SLC25A10: variants seen among roughly 807,000 people sequenced by gnomAD.
The protein encoded by SLC25A10 is mitochondrial dicarboxylate carrier.
Under a neutral mutation model 40.4 loss-of-function variants are expected in SLC25A10, and 32 were observed. The observed-to-expected ratio is 0.79, with a 90% CI of 0.60 to 1.06. The LOEUF is 1.06. Among genes scored for constraint, SLC25A10 ranks in the 50% least tolerant of loss-of-function variants. The pLI, the probability that SLC25A10 is intolerant of heterozygous loss-of-function variation, is 0.00. For missense variants in SLC25A10, 394 were observed against 402.6 expected (o/e 0.98, Z 0.18); for synonymous variants, 181 against 171.1 (o/e 1.06, Z -0.45).
In SLC25A10 at chr17:81,712,532, C is replaced by A; in HGVS notation, c.93+13C>A. 1 of 1,236,906 alleles carries A rather than the reference C, an allele frequency of 8.1e-7. No homozygotes were observed. Among genetic ancestry groups the A allele is most frequent in the Non-Finnish European group, 1.0e-6 (1 of 988,154 alleles). The allele number at this position is 1,236,906 out of a possible 1,614,324, so 76.6% of individuals were successfully genotyped here. A position where few individuals can be genotyped will look rare whatever the true frequency, so the allele number is the denominator to read the frequency against. On this transcript the variant is annotated intron_variant, in intron 1 of 10. Transcript: ENST00000350690. ...GGACCTGCTCAAGGTGAGGCCGGGG[C>A]CCGGGACGCGGGGCGGATGGGACCC...
At position 81,720,353 on chromosome 17, in the gene SLC25A10, C is replaced by T. The variant is rs1207784468; in HGVS notation, c.*276C>T. ...TCCCGCTGGCAGCTCCTCAGGGGAA[C>T]AGGGGCTACCAGAGGCTGATTTCTC... On this transcript the variant is annotated 3_prime_UTR_variant, in exon 11 of 11. Coordinates refer to ENST00000350690, the MANE Select transcript of SLC25A10 (RefSeq NM_012140.5). The T allele has an allele frequency of 7.1e-7, 1 of 1,417,224 alleles. No individual in the cohort carries two copies. Among genetic ancestry groups the T allele is most frequent in the Non-Finnish European group, 9.2e-7 (1 of 1,091,800 alleles). The allele number at this position is 1,417,224 out of a possible 1,614,324, so 87.8% of individuals were successfully genotyped here.
rs892675196 is a variant in SLC25A10 at position 81,717,769 on chromosome 17, G to A, written c.628-15G>A. ...GCGTACCTGACAGGCCGCTGGTGAC[G>A]AGCCCCCTCCTCAGGGTGGATGTGC... On this transcript the variant is annotated splice_polypyrimidine_tract_variant and intron_variant, in intron 8 of 10. Transcript: ENST00000350690. 4 of 1,608,660 alleles carry A rather than the reference G, an allele frequency of 2.5e-6. No homozygotes were observed. The highest frequency in any genetic ancestry group is 2.2e-5 in the South Asian group (2 of 90,318).
Position 81,715,692 on chromosome 17 carries a change from G to C in SLC25A10, c.329-1G>C. The C allele has an allele frequency of 6.2e-7, 1 of 1,613,380 alleles. No individual in the cohort carries two copies. Among genetic ancestry groups the C allele is most frequent in the Non-Finnish European group, 8.5e-7 (1 of 1,179,936 alleles). On this transcript the variant is annotated splice_acceptor_variant, in intron 3 of 10. Coordinates refer to ENST00000350690, the MANE Select transcript of SLC25A10 (RefSeq NM_012140.5). LOFTEE classifies it high-confidence loss of function. Reference sequence around the variant, plus strand: ...CATCTCTGGGGTTTGTGTCACCGCAGGTTTAGCTGGAGGCTTCGTGGGGAC... The same window carrying C: ...CATCTCTGGGGTTTGTGTCACCGCACGTTTAGCTGGAGGCTTCGTGGGGAC...
intron 1 of SLC25A10, among the ~76,000 whole-genome samples, chr17:81,714,241 G>T (rs2037436889): frequency 6.6e-6 from 1 of 152,238 alleles, no homozygotes; most frequent in Non-Finnish European, 1.5e-5. Flanking sequence ...TGGGCCAGGT[G>T]CTGGCCTTCC....
chr17:81,717,616 C>G (rs1025953157), intron 8 of SLC25A10, 125 bp downstream of exon 8: 1 of 1,316,070 alleles, frequency 7.6e-7, no homozygotes, highest in African/African-American at 1.4e-5. Context: ...CCCTGGGGCT[C>G]ATAAGTGGGG....
At chr17:81,718,428 TGAGCC>T (rs1337172466) in intron 9 of SLC25A10, among the ~76,000 whole-genome samples, 3 of 150,392 alleles carry the variant, frequency 2.0e-5, no homozygotes, top group African/African-American at 4.9e-5. Context: ...GAGGTTGCAG[TGAGCC>T]GAGATCACAC....
chr17:81,717,548 G>A (rs956843214), intron 8 of SLC25A10, 57 bp downstream of exon 8: 19 of 1,587,148 alleles, frequency 1.2e-5, no homozygotes, highest in Non-Finnish European at 1.6e-5. Flanking sequence ...GGCGCTGAGG[G>A]CACCCAGGAT....
At chr17:81,717,209 G>A (rs546136922) in intron 7 of SLC25A10, 137 bp downstream of exon 7, 3 of 1,107,706 alleles carry the variant, frequency 2.7e-6, no homozygotes, top group Non-Finnish European at 4.0e-6. Context: ...GGGGCAGGGT[G>A]GGGGGCACGG....
rs763212617 is a variant in SLC25A10, at chr17:81,719,867, G to A, written c.742G>A (p.Gly248Arg). Reference protein sequence around the residue: ...FHCAVETAKLGPLAFYKGLVP... With the variant: ...FHCAVETAKLRPLAFYKGLVP... ...CTGCGCCGTGGAGACAGCGAAGCTC[G>A]GGCCTCTGGCCTTTTACAAGGTGCA... The change falls in exon 10 of 11, where the codon GGG becomes AGG. Residue 248 changes from glycine (G) to arginine (R), a missense_variant. Physicochemically the swap from Gly to Arg is moderately radical, Grantham distance 125. Transcript: ENST00000350690. 1.3e-5 allele frequency: 21 copies of A among 1,613,746 alleles called. No individual in the cohort carries two copies. Among genetic ancestry groups the A allele is most frequent in the South Asian group, 4.4e-5 (4 of 91,076 alleles).
chr17:81,716,574 G>T, intron 5 of SLC25A10: 2 of 590,506 alleles, frequency 3.4e-6, no homozygotes, highest in South Asian at 4.1e-5. Context: ...TGCTAGGAGC[G>T]GTGCCCAGCC....
rs2037398907 is a variant in SLC25A10, at chr17:81,712,404, C to T, written c.-23C>T. On this transcript the variant is annotated 5_prime_UTR_variant, in exon 1 of 11. Coordinates refer to ENST00000350690, the MANE Select transcript of SLC25A10 (RefSeq NM_012140.5). Reference sequence around the variant, plus strand: ...GGGCCGGGGTCGGGTTGTGGTCGGGCCGGGATTGGGCTCTCCTGGGCCATG... The same window carrying T: ...GGGCCGGGGTCGGGTTGTGGTCGGGTCGGGATTGGGCTCTCCTGGGCCATG... 6.3e-6 allele frequency: 8 copies of T among 1,263,894 alleles called. No individual in the cohort carries two copies. The South Asian group carries it at 1.9e-4, about 30-fold the overall frequency. The allele number at this position is 1,263,894 out of a possible 1,614,324, so 78.3% of individuals were successfully genotyped here.
chr17:81,714,339 C>T (rs1203920982), intron 1 of SLC25A10, among the ~76,000 whole-genome samples: 2 of 152,240 alleles, frequency 1.3e-5, no homozygotes, highest in African/African-American at 2.4e-5. Flanking sequence ...TGGAGGCCAA[C>T]AGAATGGGAG....
Position 81,720,482 on chromosome 17 carries a change from T to A in SLC25A10, c.*405T>A. 1 of 1,323,456 alleles carries A rather than the reference T, an allele frequency of 7.6e-7. No homozygotes were observed. The highest frequency in any genetic ancestry group is 2.5e-5 in the South Asian group (1 of 39,474). 82.0% of individuals were successfully genotyped at this position (1,323,456 alleles called of 1,614,324 possible). A position where few individuals can be genotyped will look rare whatever the true frequency, so the allele number is the denominator to read the frequency against. On this transcript the variant is annotated 3_prime_UTR_variant, in exon 11 of 11. Transcript: ENST00000350690. ...CATCGAGGACTTGGGTGGCAGAGTG[T>A]GGGTGCAGCCTGGCTGTTGCTCACC...
chr17:81,714,640 C>T (rs2037445168), intron 1 of SLC25A10, among the ~76,000 whole-genome samples: 1 of 152,186 alleles, frequency 6.6e-6, no homozygotes, highest in African/African-American at 2.4e-5. Flanking sequence ...CCAGCGGGTG[C>T]GTTACCTCTC....
At position 81,720,078 on chromosome 17, in the gene SLC25A10, C is replaced by A; in HGVS notation, c.*1C>A. ...CTTTGGCATCAAAGTGCCATCCTGACCAGCCGTGGGAATGGCTGGGCTGCC... is the reference window on the plus strand; with the variant it reads ...CTTTGGCATCAAAGTGCCATCCTGAACAGCCGTGGGAATGGCTGGGCTGCC... On this transcript the variant is annotated 3_prime_UTR_variant, in exon 11 of 11. Transcript: ENST00000350690. The A allele has an allele frequency of 6.2e-7, 1 of 1,612,840 alleles. No homozygotes were observed.
chr17:81,714,316 G>T (rs957640651), intron 1 of SLC25A10, among the ~76,000 whole-genome samples: 2 of 152,226 alleles, frequency 1.3e-5, no homozygotes, highest in Non-Finnish European at 2.9e-5. Context: ...GGAGGCAGAG[G>T]TCCTGTGAGT....
rs1285093524 is a variant in SLC25A10 at position 81,712,304 on chromosome 17, G to A, written c.-123G>A. 5.7e-5 allele frequency: 28 copies of A among 488,530 alleles called. No homozygotes were observed. The highest frequency in any genetic ancestry group is 7.7e-5 in the Non-Finnish European group (27 of 350,348). The allele number at this position is 488,530 out of a possible 1,614,324, so 30.3% of individuals were successfully genotyped here. ...CGCGCGCATTGGCTGTGCGGGGTGC[G>A]GGCGCGCGGGCGGCGCTTTGAACCG... is the stretch of plus-strand genomic sequence containing the variant. On this transcript the variant is annotated 5_prime_UTR_variant, in exon 1 of 11. Coordinates refer to ENST00000350690, the MANE Select transcript of SLC25A10 (RefSeq NM_012140.5).
Position 81,714,884 on chromosome 17 carries a change from CCT to C in SLC25A10, c.94-64_94-63del, listed in dbSNP as rs147146744. ...TCACTGCCTCCTGCCTCAGTTTCCC[CCT>C]CTCTGGATGAACCTGGCACCGATCC... On this transcript the variant is annotated intron_variant, in intron 1 of 10. Coordinates refer to ENST00000350690, the MANE Select transcript of SLC25A10 (RefSeq NM_012140.5). The C allele has an allele frequency of 1.0e-3, 1,649 of 1,577,780 alleles. 20 individuals are homozygous for C. In the African/African-American group the frequency reaches 0.017, roughly 17 times the overall value.
chr17:81,718,963 C>CA (rs1003528399), intron 9 of SLC25A10, among the ~76,000 whole-genome samples: 97 of 148,236 alleles, frequency 6.5e-4, no homozygotes, highest in African/African-American at 1.9e-3. Context: ...AAACAAAAAA[C>CA]AAAAAAAAAC....
Sources: gnomAD v4.1 joint callset for allele counts (sites outside exome capture counted in the v4.1 genomes callset) on GRCh38, gnomAD v4.1.1 for gene constraint, MANE v1.5 for transcripts, NCBI Gene and HGNC (gene_info 2026-07-23, HGNC 2026-07-21) for gene names.